The following CAPS2 variants were observed in gnomAD, a reference collection of about 807,000 sequenced individuals.
CAPS2 encodes calcyphosine 2.
Under a neutral mutation model 86.5 loss-of-function variants are expected in CAPS2, and 98 were observed. The observed-to-expected ratio is 1.13, with a 90% CI of 0.96 to 1.34. The LOEUF is 1.34. Among genes scored for constraint, CAPS2 ranks in the 40% most tolerant of loss-of-function variants. The pLI, the probability that CAPS2 is intolerant of heterozygous loss-of-function variation, is 0.00. For synonymous variants in CAPS2, 210 were observed against 225.1 expected, an observed-to-expected ratio of 0.93 and a Z score of 0.60; for missense variants, 729 against 686.8, an observed-to-expected ratio of 1.06 and a Z score of -0.69.
chr12:75,371,323 T>C, intron 1 of CAPS2: 1 of 169,718 alleles, frequency 5.9e-6, no homozygotes, highest in South Asian at 1.0e-4. Context: ...GGCTGGAAGA[T>C]TCAGCAAGTC....
At chr12:75,311,492 T>C (rs1375487924) in intron 7 of CAPS2, among the ~76,000 whole-genome samples, 2 of 151,876 alleles carry the variant, frequency 1.3e-5, no homozygotes, top group Admixed American at 6.6e-5. Context: ...GAAAGTTAAA[T>C]TGAAATCTTA....
intron 1 of CAPS2, among the ~76,000 whole-genome samples, chr12:75,348,037 A>G (rs1212855504): frequency 5.9e-5 from 9 of 152,186 alleles, no homozygotes; most frequent in African/African-American, 2.2e-4. Context: ...AGGCTGGCAG[A>G]TGCTTCTCTA....
At chr12:75,300,694 A>G (rs1372067143) in intron 8 of CAPS2, among the ~76,000 whole-genome samples, 1 of 151,756 alleles carries the variant, frequency 6.6e-6, no homozygotes, top group Non-Finnish European at 1.5e-5. Context: ...GCATGAGAAG[A>G]GTTCCTGCCT....
chr12:75,345,455 A>G (rs2042385920), intron 1 of CAPS2, among the ~76,000 whole-genome samples: 1 of 152,172 alleles, frequency 6.6e-6, no homozygotes, highest in Admixed American at 6.5e-5. Context: ...CTGTTTAAGC[A>G]ATATAAAGAG....
At chr12:75,359,825 G>C (rs1366550572) in intron 1 of CAPS2, 1 of 151,972 alleles carries the variant, frequency 6.6e-6, no homozygotes, top group African/African-American at 2.4e-5. Context: ...AACTCAAAAT[G>C]GATCGTTGAT....
chr12:75,322,110 A>G (rs1214150619), intron 4 of CAPS2, among the ~76,000 whole-genome samples: 1 of 152,178 alleles, frequency 6.6e-6, no homozygotes, highest in Non-Finnish European at 1.5e-5. Flanking sequence ...TTAAGGAAAT[A>G]AAAGTTTTAC....
exon 8 of CAPS2, chr12:75,304,817 A>G: frequency 6.2e-7 from 1 of 1,611,308 alleles, no homozygotes; most frequent in Non-Finnish European, 8.5e-7. Flanking sequence ...ATCTGGAAGG[A>G]TATGATCACT....
chr12:75,343,571 A>G (rs2042256738), intron 1 of CAPS2: 2 of 767,998 alleles, frequency 2.6e-6, no homozygotes, highest in Non-Finnish European at 4.1e-6. Flanking sequence ...AATAAATACC[A>G]AAGAAAAACT....
intron 5 of CAPS2, 84 bp from the exon 6 acceptor site, chr12:75,316,518 G>T: frequency 8.4e-7 from 1 of 1,185,620 alleles, no homozygotes; most frequent in Non-Finnish European, 1.1e-6. Context: ...GATAACTACG[G>T]AATATCTCAG....
intron 1 of CAPS2, among the ~76,000 whole-genome samples, chr12:75,388,728 AT>A (rs1226680622): frequency 6.6e-6 from 1 of 152,208 alleles, no homozygotes; most frequent in East Asian, 1.9e-4. Flanking sequence ...GTCATTATAC[AT>A]TTATACCAAC....
At chr12:75,304,383 G>A (rs1015751006) in intron 8 of CAPS2, among the ~76,000 whole-genome samples, 14 of 152,132 alleles carry the variant, frequency 9.2e-5, no homozygotes, top group East Asian at 5.8e-4. Flanking sequence ...AAGCTACAAC[G>A]TAAAATGCAA....
intron 1 of CAPS2, among the ~76,000 whole-genome samples, chr12:75,335,342 A>G (rs1229783385): frequency 6.6e-6 from 1 of 152,054 alleles, no homozygotes; most frequent in African/African-American, 2.4e-5. Flanking sequence ...TCAAAACAAC[A>G]CTTCATGTGT....
chr12:75,321,205 C>T (rs948899099), intron 5 of CAPS2, among the ~76,000 whole-genome samples, 195 bp downstream of exon 5: 1 of 152,016 alleles, frequency 6.6e-6, no homozygotes, highest in Non-Finnish European at 1.5e-5. Flanking sequence ...GACAATAACC[C>T]TTTAAATTTG....
At chr12:75,294,301 T>G (rs997094972) in intron 11 of CAPS2, among the ~76,000 whole-genome samples, 11 of 152,216 alleles carry the variant, frequency 7.2e-5, no homozygotes, top group African/African-American at 2.7e-4. Context: ...AAAGGAAGGA[T>G]GTCCCTCCCC....
At chr12:75,322,304 A>T (rs554305562) in intron 4 of CAPS2, among the ~76,000 whole-genome samples, 2 of 152,276 alleles carry the variant, frequency 1.3e-5, no homozygotes, top group Admixed American at 1.3e-4. Flanking sequence ...AGTGCTATAC[A>T]AATACAAGGG....
intron 8 of CAPS2, among the ~76,000 whole-genome samples, 200 bp downstream of exon 8, chr12:75,304,557 G>A (rs908381439): frequency 6.6e-6 from 1 of 151,960 alleles, no homozygotes; most frequent in Non-Finnish European, 1.5e-5. Context: ...AAAATCTGGA[G>A]GGCAAAGAGA....
At chr12:75,374,544 C>G (rs1391783739) in intron 1 of CAPS2, among the ~76,000 whole-genome samples, 1 of 152,206 alleles carries the variant, frequency 6.6e-6, no homozygotes, top group African/African-American at 2.4e-5. Flanking sequence ...AAATATCTCA[C>G]CAATGAGTCC....
At chr12:75,327,135 TA>T (rs758670070), upstream of CAPS2, among the ~76,000 whole-genome samples, 1 of 152,218 alleles carries the variant, frequency 6.6e-6, no homozygotes, top group South Asian at 2.1e-4. Flanking sequence ...TATGTTGTTT[TA>T]AACCACTAAG....
chr12:75,308,941 A>AGCTCCT (rs1402488267), intron 7 of CAPS2, among the ~76,000 whole-genome samples: 1 of 146,906 alleles, frequency 6.8e-6, no homozygotes, highest in Non-Finnish European at 1.5e-5. Flanking sequence ...AGGAGCCCCC[A>AGCTCCT]TGGCCAGCTA....
Sources: gnomAD v4.1 joint callset for allele counts (sites outside exome capture counted in the v4.1 genomes callset) on GRCh38, gnomAD v4.1.1 for gene constraint, MANE v1.5 for transcripts, NCBI Gene and HGNC (gene_info 2026-07-23, HGNC 2026-07-21) for gene names.